Variants in CSRNP2 observed in about 807,000 individuals in gnomAD.
The protein encoded by CSRNP2 is cysteine/serine-rich nuclear protein 2.
CSRNP2 carries 11 observed loss-of-function variants against 36.6 expected under a neutral mutation model. That is an observed-to-expected ratio of 0.30 (90% confidence interval 0.19 to 0.50). The LOEUF (loss-of-function observed/expected upper bound fraction) is 0.50. CSRNP2 is among the 20% of genes least tolerant of loss of function. The probability of loss-of-function intolerance (pLI) is 0.98; values close to 1 mark genes in which losing one functional copy is unlikely to be tolerated. For missense variants in CSRNP2, 483 were observed against 691.4 expected (o/e 0.70, Z 3.38); for synonymous variants, 248 against 275.3 (o/e 0.90, Z 0.98).
In CSRNP2 at chr12:51,067,005, T is replaced by C. The variant is rs910645320; in HGVS notation, c.708+668A>G. Among the ~76,000 whole-genome samples, 2 of 141,884 alleles carry C rather than the reference T, an allele frequency of 1.4e-5. No homozygotes were observed. Among genetic ancestry groups the C allele is most frequent in the Non-Finnish European group, 3.0e-5 (2 of 65,924 alleles). 93.1% of individuals were successfully genotyped at this position (141,884 alleles called of 152,430 possible). On this transcript the variant is annotated intron_variant, in intron 4 of 4. Transcript: ENST00000228515. This position sits in a 1 kb window ranked among gnomAD's most constrained non-coding sequence, Gnocchi z 4.1. ...CTACCATGTCCAGCTAATTTTTGTA[T>C]TTTTTGTAAAGATGGGGCTTAGCCA...
At position 51,079,541 on chromosome 12, in the gene CSRNP2, T is replaced by A. The variant is rs192810181; in HGVS notation, c.-86-2894A>T. ...ACTTTGGGAGGCCGAGGCGGGCAGA[T>A]CACCTGAGGCTGGAGTTCGAGACCA... On this transcript the variant is annotated intron_variant, in intron 1 of 4. Coordinates refer to ENST00000228515, the MANE Select transcript of CSRNP2 (RefSeq NM_030809.3). Among the ~76,000 whole-genome samples the A allele has an allele frequency of 4.7e-3, 698 of 148,636 alleles. 5 individuals carry two copies. The highest frequency in any genetic ancestry group is 0.017 in the African/African-American group (674 of 40,280).
At chr12:51,081,730 C>G (rs528611615) in intron 1 of CSRNP2, among the ~76,000 whole-genome samples, 1 of 152,250 alleles carries the variant, frequency 6.6e-6, no homozygotes, top group African/African-American at 2.4e-5. Context: ...ATCAGGCTAG[C>G]ACCTAATAAA....
chr12:51,067,664 T>C lies in CSRNP2; in HGVS notation c.708+9A>G. The C allele has an allele frequency of 6.2e-7, 1 of 1,611,596 alleles. No homozygotes were observed. The highest frequency in any genetic ancestry group is 8.5e-7 in the Non-Finnish European group (1 of 1,178,332). ...GTAGATATACTATCTCAGGCCAACT[T>C]GGACTGACCTGGCATTTAATCCCAG... On this transcript the variant is annotated intron_variant, in intron 4 of 4. Coordinates refer to ENST00000228515, the MANE Select transcript of CSRNP2 (RefSeq NM_030809.3). This position sits in a 1 kb window ranked among gnomAD's most constrained non-coding sequence, Gnocchi z 4.1.
In CSRNP2 at chr12:51,075,911, G is replaced by C. The variant is rs532346140; in HGVS notation, c.151+500C>G. Among the ~76,000 whole-genome samples, 8 of 152,290 alleles carry C rather than the reference G, an allele frequency of 5.3e-5. No individual in the cohort carries two copies. In the South Asian group the frequency reaches 1.4e-3, roughly 28 times the overall value. On this transcript the variant is annotated intron_variant, in intron 2 of 4. Coordinates refer to ENST00000228515, the MANE Select transcript of CSRNP2 (RefSeq NM_030809.3). ...TAAAAACACAAAAAATTAGGCGGGC[G>C]TGGTGGCAGGTGCCTATAATCCCAG...
rs765963536 is a variant in CSRNP2, at chr12:51,063,720, G to A, written c.*26C>T. On this transcript the variant is annotated 3_prime_UTR_variant, in exon 5 of 5. Coordinates refer to ENST00000228515, the MANE Select transcript of CSRNP2 (RefSeq NM_030809.3). ...AAATAAGGGAATAAATAGAGAATGGGTAAGAGGCAGGACCTCTAGCGCCTG... is the reference window on the plus strand; with the variant it reads ...AAATAAGGGAATAAATAGAGAATGGATAAGAGGCAGGACCTCTAGCGCCTG... 2 of 1,488,268 alleles carry A rather than the reference G, an allele frequency of 1.3e-6. No individual in the cohort carries two copies. The highest frequency in any genetic ancestry group is 1.4e-5 in the South Asian group (1 of 71,792). 92.2% of individuals were successfully genotyped at this position (1,488,268 alleles called of 1,614,324 possible).
Position 51,064,020 on chromosome 12 carries a change from G to C in CSRNP2, c.1358C>G (p.Ser453Cys), listed in dbSNP as rs779022731. 2 of 1,614,250 alleles carry C rather than the reference G, an allele frequency of 1.2e-6. No homozygotes were observed. Among genetic ancestry groups the C allele is most frequent in the East Asian group, 2.2e-5 (1 of 44,890 alleles). The change falls in exon 5 of 5, where the codon TCT becomes TGT. Residue 453 changes from serine to cysteine, a missense_variant. By Grantham distance (112) the Ser-to-Cys change is moderately radical. Transcript: ENST00000228515. Reference protein sequence around the residue: ...FPKEKDLNVFSLPVTSLVACS... With the variant: ...FPKEKDLNVFCLPVTSLVACS... ...AGCCACGAGTGAGGTAACAGGGAGA[G>C]AGAAGACATTCAGATCCTTCTCCTT...
chr12:51,064,695 C>T (rs1937927482), intron 4 of CSRNP2, 26 bp from the exon 5 acceptor site: 1 of 1,492,340 alleles, frequency 6.7e-7, no homozygotes, highest in Non-Finnish European at 8.9e-7. Flanking sequence ...AAGGTTGGGG[C>T]AAGATGAGAC....
Position 51,076,579 on chromosome 12 carries a change from C to G in CSRNP2, c.-18G>C, listed in dbSNP as rs778694218. The G allele has an allele frequency of 6.2e-7, 1 of 1,613,546 alleles. No homozygotes were observed. The highest frequency in any genetic ancestry group is 8.5e-7 in the Non-Finnish European group (1 of 1,179,572). ...GCATCCATTGGTTTCAAAGGGGTTTCCTTGGGGAGCCCACCAAGTTGGCCC... is the reference window on the plus strand; with the variant it reads ...GCATCCATTGGTTTCAAAGGGGTTTGCTTGGGGAGCCCACCAAGTTGGCCC... On this transcript the variant is annotated 5_prime_UTR_variant, in exon 2 of 5. Coordinates refer to ENST00000228515, the MANE Select transcript of CSRNP2 (RefSeq NM_030809.3).
chr12:51,080,885 C>T (rs1475473876), intron 1 of CSRNP2, among the ~76,000 whole-genome samples: 1 of 152,192 alleles, frequency 6.6e-6, no homozygotes, highest in Non-Finnish European at 1.5e-5. Flanking sequence ...CTGTTCACTT[C>T]CATGGTGCCC....
chr12:51,066,596 G>A (rs566370013), intron 4 of CSRNP2, among the ~76,000 whole-genome samples: 338 of 151,086 alleles, frequency 2.2e-3, no homozygotes, highest in African/African-American at 7.6e-3. Flanking sequence ...AGCCAAGATC[G>A]CGCCACTGCA....
intron 1 of CSRNP2, among the ~76,000 whole-genome samples, chr12:51,082,252 C>G (rs1314861105): frequency 6.6e-6 from 1 of 152,108 alleles, no homozygotes; most frequent in African/African-American, 2.4e-5. Flanking sequence ...AAGTGAAAAC[C>G]CCCCGCTTAA....
chr12:51,073,677 T>C, intron 3 of CSRNP2, 146 bp downstream of exon 3: 1 of 801,706 alleles, frequency 1.2e-6, no homozygotes, highest in Non-Finnish European at 1.9e-6. Context: ...AGTGAGCTAA[T>C]ATCATGCCAG....
At chr12:51,068,167 A>AT (rs1566178143) in intron 3 of CSRNP2, among the ~76,000 whole-genome samples, 198 bp from the exon 4 acceptor site, 2 of 152,050 alleles carry the variant, frequency 1.3e-5, no homozygotes, top group African/African-American at 2.4e-5. Flanking sequence ...CATTTTATTT[A>AT]TTTTTTTGAG....
rs1164279000 is a variant in CSRNP2 at position 51,063,491 on chromosome 12, C to T, written c.*255G>A. ...GATCCTAGTTCTTTGTTCCAGTGGCCCAGAAAGCTTAATGTTCAGCACTAC... is the reference window on the plus strand; with the variant it reads ...GATCCTAGTTCTTTGTTCCAGTGGCTCAGAAAGCTTAATGTTCAGCACTAC... On this transcript the variant is annotated 3_prime_UTR_variant, in exon 5 of 5. Transcript: ENST00000228515. 3 of 271,728 alleles carry T rather than the reference C, an allele frequency of 1.1e-5. No individual in the cohort carries two copies. Among genetic ancestry groups the T allele is most frequent in the African/African-American group, 6.6e-5 (3 of 45,648 alleles). 16.8% of individuals were successfully genotyped at this position (271,728 alleles called of 1,614,324 possible).
intron 3 of CSRNP2, among the ~76,000 whole-genome samples, chr12:51,070,559 A>G (rs1281294630): frequency 6.6e-6 from 1 of 152,242 alleles, no homozygotes; most frequent in Non-Finnish European, 1.5e-5. Context: ...ATTTCAAATC[A>G]GTGAGAAAAG....
At chr12:51,075,451 A>T (rs1336707164) in intron 2 of CSRNP2, among the ~76,000 whole-genome samples, 2 of 152,212 alleles carry the variant, frequency 1.3e-5, no homozygotes, top group African/African-American at 4.8e-5. Flanking sequence ...ACATATGGCA[A>T]CTGGCTACTG....
chr12:51,064,030 T>TCAGATCCTTC lies in CSRNP2; in HGVS notation c.1338_1347dup (p.Asn450GlufsTer17), dbSNP rs777858642. The TCAGATCCTTC allele has an allele frequency of 6.2e-7, 1 of 1,614,186 alleles. No individual in the cohort carries two copies. Among genetic ancestry groups the TCAGATCCTTC allele is most frequent in the Non-Finnish European group, 8.5e-7 (1 of 1,180,026 alleles). Reference sequence around the variant, plus strand: ...GAGGTAACAGGGAGAGAGAAGACATTCAGATCCTTCTCCTTTGGGAAAGAG... The same window carrying TCAGATCCTTC: ...GAGGTAACAGGGAGAGAGAAGACATTCAGATCCTTCCAGATCCTTCTCCTTTGGGAAAGAG... On this transcript the variant is annotated frameshift_variant, in exon 5 of 5. Coordinates refer to ENST00000228515, the MANE Select transcript of CSRNP2 (RefSeq NM_030809.3). LOFTEE classifies it high-confidence loss of function.
rs1937683502 is a variant in CSRNP2, at chr12:51,062,567, G to C, written c.*1179C>G. 2 of 152,150 alleles carry C rather than the reference G, an allele frequency of 1.3e-5. No individual in the cohort carries two copies. The highest frequency in any genetic ancestry group is 2.1e-4 in the South Asian group (1 of 4,830). 9.4% of individuals were successfully genotyped at this position (152,150 alleles called of 1,614,324 possible). A position where few individuals can be genotyped will look rare whatever the true frequency, so the allele number is the denominator to read the frequency against. ...TTGAATCCTTTGGAATCTGGGAGTT[G>C]CATGTAGCATTTAAGAACTGGTTTG... On this transcript the variant is annotated 3_prime_UTR_variant, in exon 5 of 5. Transcript: ENST00000228515.
At chr12:51,068,470 T>C (rs1938639576) in intron 3 of CSRNP2, among the ~76,000 whole-genome samples, 1 of 152,224 alleles carries the variant, frequency 6.6e-6, no homozygotes, top group Admixed American at 6.5e-5. Flanking sequence ...AATAGCCGTA[T>C]GTGACTACTG....
Sources: allele counts gnomAD v4.1 joint callset (sites outside exome capture counted in the v4.1 genomes callset), GRCh38; gene constraint gnomAD v4.1.1; non-coding constraint Gnocchi (gnomAD v3.1); transcripts MANE v1.5; gene names NCBI Gene and HGNC (gene_info 2026-07-23, HGNC 2026-07-21).